The following CCDC144A variants were observed in gnomAD, a reference collection of about 807,000 sequenced individuals.
The protein encoded by CCDC144A is coiled-coil domain containing 144A.
In CCDC144A, 41 loss-of-function variants were observed where a neutral mutation model predicts 143.8. That is an observed-to-expected ratio of 0.29 (90% CI 0.22 to 0.37). The LOEUF (loss-of-function observed/expected upper bound fraction) is 0.37, where lower values mean the gene tolerates loss of function less well. Ranked by LOEUF, CCDC144A falls within the 10% of genes least tolerant of loss-of-function variation. CCDC144A has a pLI of 1.00. For missense variants in CCDC144A, 637 were observed against 1,488.8 expected, an observed-to-expected ratio of 0.43 and a Z score of 9.41; for synonymous variants, 242 against 517.9, an observed-to-expected ratio of 0.47 and a Z score of 7.23.
chr17:16,722,496 T>A (rs1384248939), intron 8 of CCDC144A, among the ~76,000 whole-genome samples: 1 of 152,038 alleles, frequency 6.6e-6, no homozygotes, highest in Non-Finnish European at 1.5e-5. Flanking sequence ...CTTGACCTCA[T>A]TGATGTTCCT....
intron 3 of CCDC144A, chr17:16,705,649 C>G: frequency 2.2e-6 from 1 of 454,614 alleles, no homozygotes; most frequent in South Asian, 2.1e-5. Context: ...AATATAGGGA[C>G]TAAGTATGTT....
the CCDC144A span, chr17:16,683,745 G>A: frequency 5.8e-6 from 9 of 1,549,634 alleles, no homozygotes; most frequent in South Asian, 1.1e-5. Context: ...GCCACTGGAT[G>A]GAGATGGAGA....
upstream of CCDC144A, among the ~76,000 whole-genome samples, chr17:16,688,100 TCTCA>T (rs1910845273): frequency 6.6e-6 from 1 of 151,874 alleles, no homozygotes; most frequent in South Asian, 2.1e-4. Context: ...ATTATTTTTT[TCTCA>T]CTGACATGTA....
At chr17:16,768,790 C>A (rs1240412276) in intron 15 of CCDC144A, among the ~76,000 whole-genome samples, 3 of 151,506 alleles carry the variant, frequency 2.0e-5, no homozygotes, top group Non-Finnish European at 4.4e-5. Flanking sequence ...CACTATATTT[C>A]TTTAAAAAAA....
At chr17:16,667,203 G>A in the CCDC144A span, 2 of 207,524 alleles carry the variant, frequency 9.6e-6, no homozygotes, top group Non-Finnish European at 2.0e-5. Flanking sequence ...GCAGCCGGGC[G>A]GGTGAGCTAA....
chr17:16,686,622 A>G (rs1910790259), upstream of CCDC144A, among the ~76,000 whole-genome samples: 1 of 151,604 alleles, frequency 6.6e-6, no homozygotes, highest in South Asian at 2.1e-4. Flanking sequence ...CCTGGGCAAC[A>G]TGGCAAGACC....
chr17:16,717,113 T>G (rs1217219748), intron 6 of CCDC144A, among the ~76,000 whole-genome samples: 1 of 146,554 alleles, frequency 6.8e-6, no homozygotes, highest in Non-Finnish European at 1.5e-5. Context: ...CTTTTTTTTT[T>G]TTTTTTCTTT....
chr17:16,729,791 G>A (rs1162475885), intron 9 of CCDC144A, among the ~76,000 whole-genome samples: 7 of 149,988 alleles, frequency 4.7e-5, no homozygotes, highest in Non-Finnish European at 1.0e-4. Flanking sequence ...GACGTCAGGT[G>A]ATTCTCCTAC....
chr17:16,740,182 C>G (rs1183486497), intron 12 of CCDC144A, among the ~76,000 whole-genome samples: 1 of 152,012 alleles, frequency 6.6e-6, no homozygotes, highest in Non-Finnish European at 1.5e-5. Context: ...TGTCATCTTT[C>G]CTCATTGGAA....
At chr17:16,679,463 A>ATTT in the CCDC144A span, among the ~76,000 whole-genome samples, 1 of 148,426 alleles carries the variant, frequency 6.7e-6, no homozygotes, top group Non-Finnish European at 1.5e-5. Context: ...GAGGTTAGTA[A>ATTT]TTTTTTTTTT....
At chr17:16,738,008 G>T (rs1914100535) in intron 12 of CCDC144A, among the ~76,000 whole-genome samples, 1 of 151,404 alleles carries the variant, frequency 6.6e-6, no homozygotes, top group Admixed American at 6.6e-5. Flanking sequence ...CTATTGCCAT[G>T]GTGAGGCAAG....
At chr17:16,679,673 A>G in the CCDC144A span, among the ~76,000 whole-genome samples, 1 of 152,070 alleles carries the variant, frequency 6.6e-6, no homozygotes, top group African/African-American at 2.4e-5. Context: ...GTTCTCTCAC[A>G]TTTAATACAT....
intron 12 of CCDC144A, among the ~76,000 whole-genome samples, chr17:16,758,943 G>A (rs553933536): frequency 2.0e-5 from 3 of 152,330 alleles, no homozygotes; most frequent in South Asian, 4.1e-4. Context: ...TGTGAAGGAA[G>A]CACACTGTTC....
At chr17:16,718,839 T>G (rs1294033864) in intron 6 of CCDC144A, among the ~76,000 whole-genome samples, 2 of 127,888 alleles carry the variant, frequency 1.6e-5, no homozygotes, top group East Asian at 2.1e-4. Flanking sequence ...AGTGTTTTTT[T>G]TTTTTTTTTT....
chr17:16,672,037 T>C, the CCDC144A span, among the ~76,000 whole-genome samples: 1 of 152,224 alleles, frequency 6.6e-6, no homozygotes, highest in Admixed American at 6.5e-5. Context: ...CTAATTTTCA[T>C]GAGTTACCGT....
intron 12 of CCDC144A, among the ~76,000 whole-genome samples, chr17:16,743,292 A>T (rs1160703301): frequency 1.3e-5 from 2 of 151,338 alleles, no homozygotes; most frequent in African/African-American, 4.8e-5. Flanking sequence ...ACCTGGTTTC[A>T]TTCTTCTTTT....
chr17:16,752,997 G>C (rs937516071), intron 12 of CCDC144A, among the ~76,000 whole-genome samples: 1 of 113,072 alleles, frequency 8.8e-6, no homozygotes, highest in African/African-American at 3.4e-5. Context: ...CTGGGAGCTA[G>C]TATCCCAGAG....
At chr17:16,692,007 T>C (rs1310567497) in intron 1 of CCDC144A, 6 of 151,768 alleles carry the variant, frequency 4.0e-5, no homozygotes, top group Non-Finnish European at 7.4e-5. Flanking sequence ...ATTGTGATTT[T>C]TCACTACAAA....
the CCDC144A span, among the ~76,000 whole-genome samples, chr17:16,677,833 G>A: frequency 1.3e-5 from 2 of 151,366 alleles, no homozygotes; most frequent in Non-Finnish European, 2.9e-5. Flanking sequence ...AAAAATGAAA[G>A]CAGGAGGTAA....
Sources: allele counts gnomAD v4.1 joint callset (sites outside exome capture counted in the v4.1 genomes callset), GRCh38; gene constraint gnomAD v4.1.1; transcripts MANE v1.5; gene names NCBI Gene and HGNC (gene_info 2026-07-23, HGNC 2026-07-21).